TENM2: variants seen among roughly 807,000 people sequenced by gnomAD.
TENM2 encodes the protein teneurin transmembrane protein 2.
TENM2 carries 52 observed loss-of-function variants against 245.2 expected under a neutral mutation model. That is an observed-to-expected ratio of 0.21 (90% confidence interval 0.17 to 0.27). The LOEUF is 0.27. TENM2 is among the 10% of genes least tolerant of loss of function. TENM2 has a pLI of 1.00. For missense variants in TENM2, 3,046 were observed against 3,666.8 expected (o/e 0.83, Z 4.37); for synonymous variants, 1,363 against 1,438.9 (o/e 0.95, Z 1.19).
intron 4 of TENM2, among the ~76,000 whole-genome samples, chr5:167,969,995 G>A (rs1313871279): frequency 6.6e-6 from 1 of 152,162 alleles, no homozygotes; most frequent in African/African-American, 2.4e-5. Flanking sequence ...GGGCTGGCAG[G>A]CAAAAGCCAC....
intron 2 of TENM2, among the ~76,000 whole-genome samples, chr5:167,380,436 A>G (rs967325758): frequency 6.6e-6 from 1 of 152,160 alleles, no homozygotes; most frequent in African/African-American, 2.4e-5. Context: ...CGTTACTGTA[A>G]AGGAGAACAG....
At chr5:167,565,948 T>C (rs1447941812) in intron 2 of TENM2, among the ~76,000 whole-genome samples, 1 of 152,120 alleles carries the variant, frequency 6.6e-6, no homozygotes, top group Admixed American at 6.5e-5. Flanking sequence ...TGTTTGTTTG[T>C]TGTTGTTGTT....
At chr5:167,038,626 C>T in the TENM2 span, among the ~76,000 whole-genome samples, 1 of 152,138 alleles carries the variant, frequency 6.6e-6, no homozygotes, top group Non-Finnish European at 1.5e-5. Context: ...GCTAGATTCT[C>T]CCTAAATGGC....
rs1763259535 is a variant in TENM2, at chr5:168,217,067, T to G, written c.4233+145T>G. 1.5e-5 allele frequency: 13 copies of G among 846,182 alleles called. 2 individuals carry two copies. Among genetic ancestry groups the G allele is most frequent in the Middle Eastern group, 3.5e-4 (1 of 2,896 alleles). 52.4% of individuals were successfully genotyped at this position (846,182 alleles called of 1,614,324 possible). ...GGGGTTGTTTGGAGAAAGCCTGAGA[T>G]GAGCTAAACAGTAAGATGGAGTGGA... On this transcript the variant is annotated intron_variant, in intron 22 of 28. Coordinates refer to ENST00000518659, the Ensembl canonical transcript of TENM2.
the TENM2 span, among the ~76,000 whole-genome samples, chr5:167,007,260 T>C: frequency 0.16 from 23,806 of 152,120 alleles, 2,092 homozygotes; most frequent in African/African-American, 0.25. The surrounding 1 kb of genome is among the most constrained non-coding windows in gnomAD (Gnocchi z 4.2). Flanking sequence ...GGATCACAAA[T>C]ATAAACATAA....
chr5:167,370,921 A>G (rs1218430466), intron 1 of TENM2, among the ~76,000 whole-genome samples: 1 of 152,238 alleles, frequency 6.6e-6, no homozygotes, highest in African/African-American at 2.4e-5. Flanking sequence ...TACTGAAAAC[A>G]TAATTATGCG....
chr5:167,841,700 T>A (rs1028682004), intron 2 of TENM2, among the ~76,000 whole-genome samples: 1 of 152,208 alleles, frequency 6.6e-6, no homozygotes, highest in Non-Finnish European at 1.5e-5. Flanking sequence ...CCTTGGTCTA[T>A]ATTCAACTTT....
At chr5:167,508,092 CTATT>C (rs1769676375) in intron 2 of TENM2, among the ~76,000 whole-genome samples, 1 of 152,130 alleles carries the variant, frequency 6.6e-6, no homozygotes, top group South Asian at 2.1e-4. Context: ...GTAATGCTAT[CTATT>C]GAAGCACCCA....
At chr5:167,844,454 C>T (rs186174518) in intron 2 of TENM2, among the ~76,000 whole-genome samples, 3 of 152,164 alleles carry the variant, frequency 2.0e-5, no homozygotes, top group Non-Finnish European at 4.4e-5. Context: ...CTGCAGGAAC[C>T]TTGTCATTTA....
chr5:167,755,543 T>C (rs1360400283), intron 2 of TENM2, among the ~76,000 whole-genome samples: 1 of 152,164 alleles, frequency 6.6e-6, no homozygotes, highest in Non-Finnish European at 1.5e-5. Flanking sequence ...ATCCTGTGTC[T>C]ATTGCTGAAA....
chr5:167,791,542 A>C (rs1764976880), intron 2 of TENM2, among the ~76,000 whole-genome samples: 1 of 80,618 alleles, frequency 1.2e-5, no homozygotes, highest in South Asian at 3.9e-4. Context: ...ATATTTTTAT[A>C]TATTATAATA....
chr5:167,657,555 T>C (rs1754928806), intron 2 of TENM2, among the ~76,000 whole-genome samples: 1 of 152,216 alleles, frequency 6.6e-6, no homozygotes, highest in Non-Finnish European at 1.5e-5. Context: ...TTTAGTAATC[T>C]CCATACTGTC....
chr5:167,602,076 G>C (rs1467684772), intron 2 of TENM2, among the ~76,000 whole-genome samples: 1 of 151,774 alleles, frequency 6.6e-6, no homozygotes, highest in Non-Finnish European at 1.5e-5. Context: ...AACGTGGGAA[G>C]GTTTTGGCCA....
intron 25 of TENM2, among the ~76,000 whole-genome samples, chr5:168,234,239 G>T (rs189948253): frequency 3.9e-5 from 6 of 152,182 alleles, no homozygotes; most frequent in African/African-American, 9.6e-5. Flanking sequence ...AAAAAGGAAG[G>T]TATCTCCCCC....
intron 13 of TENM2, among the ~76,000 whole-genome samples, chr5:168,189,093 T>A (rs1203893241): frequency 6.6e-6 from 1 of 152,116 alleles, no homozygotes; most frequent in African/African-American, 2.4e-5. Flanking sequence ...GCAGAAAGAG[T>A]ACTGAAGTGC....
chr5:167,015,228 A>G, the TENM2 span, among the ~76,000 whole-genome samples: 9 of 152,336 alleles, frequency 5.9e-5, no homozygotes, highest in South Asian at 2.1e-4. Flanking sequence ...TGGTTAAAAA[A>G]ACAGATTTCT....
exon 27 of TENM2, chr5:168,246,768 C>T (rs773896931): frequency 6.2e-7 from 1 of 1,613,686 alleles, no homozygotes. Flanking sequence ...CCATGGTCCT[C>T]CTGCTTCAGA....
At chr5:167,187,430 A>G in the TENM2 span, among the ~76,000 whole-genome samples, 3 of 152,186 alleles carry the variant, frequency 2.0e-5, no homozygotes, top group African/African-American at 7.2e-5. Context: ...ATTCGCTTGC[A>G]GTTATATGAG....
chr5:167,573,597 C>G (rs1387653531), intron 2 of TENM2, among the ~76,000 whole-genome samples: 2 of 151,680 alleles, frequency 1.3e-5, no homozygotes, highest in African/African-American at 4.8e-5. Flanking sequence ...TCTCTCTCTC[C>G]TCCTGCCTTT....
Sources: allele counts gnomAD v4.1 joint callset (sites outside exome capture counted in the v4.1 genomes callset), GRCh38; gene constraint gnomAD v4.1.1; non-coding constraint Gnocchi (gnomAD v3.1); transcripts MANE v1.5; gene names NCBI Gene and HGNC (gene_info 2026-07-23, HGNC 2026-07-21).